Variants in ZFX observed in about 807,000 individuals in gnomAD.
The protein encoded by ZFX is zinc finger protein X-linked.
For synonymous variants in ZFX, 196 were observed against 226.8 expected (o/e 0.86, Z 1.22); for missense variants, 362 against 628.3 (o/e 0.58, Z 4.53).
chrX:24,158,696 G>C (rs968417383), intron 3 of ZFX, among the ~76,000 whole-genome samples: 28 of 109,079 alleles, frequency 2.6e-4, no homozygotes, highest in Non-Finnish European at 4.6e-4. Flanking sequence ...GAGTGCAATG[G>C]TGCGATCTCG....
At chrX:24,208,156 A>G (rs1937744250) in intron 7 of ZFX, 62 bp from the exon 8 acceptor site, 2 of 1,171,898 alleles carry the variant, frequency 1.7e-6, no homozygotes, top group Non-Finnish European at 2.3e-6. Context: ...ATTCAAATAA[A>G]AACGTGTTTC....
At chrX:24,149,042 C>T (rs960538086), upstream of ZFX, 3 of 111,111 alleles carry the variant, frequency 2.7e-5, no homozygotes, top group Non-Finnish European at 3.8e-5. Flanking sequence ...CTCCACCCCC[C>T]TTCCCGCACA....
intron 5 of ZFX, among the ~76,000 whole-genome samples, chrX:24,195,194 G>C (rs1164797596): frequency 8.1e-5 from 9 of 110,637 alleles, no homozygotes; most frequent in African/African-American, 3.0e-4. Context: ...TAAATAATAC[G>C]CTTTCTTGAT....
intron 5 of ZFX, among the ~76,000 whole-genome samples, chrX:24,185,517 C>A (rs1936035666): frequency 9.0e-6 from 1 of 111,442 alleles, no homozygotes; most frequent in African/African-American, 3.3e-5. Context: ...GTGGCATGAT[C>A]TTGGTTCACT....
At chrX:24,208,411 C>A in intron 8 of ZFX, 41 bp downstream of exon 8, 3 of 1,190,533 alleles carry the variant, frequency 2.5e-6, no homozygotes, top group South Asian at 3.7e-5. Flanking sequence ...GAAGTTGGTT[C>A]TTAAACATGA....
intron 9 of ZFX, 89 bp downstream of exon 9, chrX:24,209,129 A>AT: frequency 1.7e-6 from 2 of 1,162,141 alleles, no homozygotes; most frequent in Non-Finnish European, 2.3e-6. Context: ...TCACAATGGC[A>AT]TTTTAGCTGC....
At chrX:24,188,152 C>T (rs747629632) in intron 5 of ZFX, among the ~76,000 whole-genome samples, 2 of 107,659 alleles carry the variant, frequency 1.9e-5, no homozygotes, top group East Asian at 2.9e-4. Context: ...AGCCACTGCA[C>T]GCTGGTGACA....
In ZFX at chrX:24,154,168, T is replaced by C. The variant is rs759833146; in HGVS notation, c.-29+1338T>C. On this transcript the variant is annotated intron_variant, in intron 3 of 9. Transcript: ENST00000304543. ...ATTTAAAAAATATATTTAAAAAGTT[T>C]TATGGAATATTTTTAAATTACTGAA... 8.0e-5 allele frequency among the ~76,000 whole-genome samples: 9 copies of C among 112,323 alleles called. No individual in the cohort carries two copies. The South Asian group carries it at 3.3e-3, about 41-fold the overall frequency.
At chrX:24,198,053 T>C (rs964228554) in intron 5 of ZFX, among the ~76,000 whole-genome samples, 1 of 112,000 alleles carries the variant, frequency 8.9e-6, no homozygotes, top group Non-Finnish European at 1.9e-5. Context: ...AGCAGTGAAT[T>C]CATTTAATAT....
intron 5 of ZFX, among the ~76,000 whole-genome samples, chrX:24,180,778 A>T (rs1935617979): frequency 8.9e-6 from 1 of 112,389 alleles, no homozygotes; most frequent in Admixed American, 9.5e-5. Context: ...CATGAAAAAG[A>T]GCTCTGGTAT....
At chrX:24,178,913 T>C (rs1380294830) in intron 4 of ZFX, among the ~76,000 whole-genome samples, 2 of 112,060 alleles carry the variant, frequency 1.8e-5, no homozygotes, top group African/African-American at 6.5e-5. Flanking sequence ...CCTAAAATTT[T>C]ACTTTCATGT....
At chrX:24,170,027 G>A (rs1345172270) in intron 3 of ZFX, among the ~76,000 whole-genome samples, 3 of 111,640 alleles carry the variant, frequency 2.7e-5, no homozygotes, top group Non-Finnish European at 3.8e-5. Context: ...TTGAGAATCC[G>A]TAGAGCTGAT....
intron 3 of ZFX, among the ~76,000 whole-genome samples, chrX:24,156,950 G>A (rs1009939568): frequency 8.1e-5 from 9 of 111,786 alleles, no homozygotes; most frequent in Non-Finnish European, 1.5e-4. Context: ...CACTGTGCCC[G>A]GCCTTAATAA....
At chrX:24,208,151 A>G in intron 7 of ZFX, 67 bp from the exon 8 acceptor site, 1 of 1,165,194 alleles carries the variant, frequency 8.6e-7, no homozygotes, top group Non-Finnish European at 1.2e-6. Flanking sequence ...ACTGAATTCA[A>G]ATAAAAACGT....
chrX:24,192,596 C>T (rs913588220), intron 5 of ZFX, among the ~76,000 whole-genome samples: 5 of 111,330 alleles, frequency 4.5e-5, no homozygotes, highest in African/African-American at 1.6e-4. Flanking sequence ...TGAAATGTGG[C>T]AATCAGTGTT....
intron 5 of ZFX, among the ~76,000 whole-genome samples, chrX:24,198,991 A>G (rs967714356): frequency 9.0e-6 from 1 of 111,174 alleles, no homozygotes; most frequent in Non-Finnish European, 1.9e-5. Context: ...ACAAACTAAG[A>G]CTAAGGACTA....
rs150577234 is a variant in ZFX, at chrX:24,203,273, C to T, written c.647-4053C>T. Among the ~76,000 whole-genome samples, 489 of 112,219 alleles carry T rather than the reference C, an allele frequency of 4.4e-3. 1 individual carries two copies. The highest frequency in any genetic ancestry group is 0.015 in the African/African-American group (461 of 30,944). ...CTACCTCCGTCCTGATTCAAGGCCT[C>T]GTCATCTATCACCTGCATTACTGCA... is the stretch of plus-strand genomic sequence containing the variant. On this transcript the variant is annotated intron_variant, in intron 5 of 9. Transcript: ENST00000304543.
intron 3 of ZFX, among the ~76,000 whole-genome samples, chrX:24,153,708 A>G (rs1447866883): frequency 9.0e-6 from 1 of 111,245 alleles, no homozygotes; most frequent in Non-Finnish European, 1.9e-5. Flanking sequence ...CATTTAATGT[A>G]TTATATTTGA....
At chrX:24,176,737 C>T (rs926647388) in intron 4 of ZFX, among the ~76,000 whole-genome samples, 31 of 109,054 alleles carry the variant, frequency 2.8e-4, no homozygotes, top group African/African-American at 1.0e-3. Context: ...CAGACCTGAT[C>T]ATTTTTGGTT....
Sources: gnomAD v4.1 joint callset for allele counts (sites outside exome capture counted in the v4.1 genomes callset) on GRCh38, gnomAD v4.1.1 for gene constraint, MANE v1.5 for transcripts, NCBI Gene and HGNC (gene_info 2026-07-23, HGNC 2026-07-21) for gene names.